The following TNRC6C variants were observed in gnomAD, a reference collection of about 807,000 sequenced individuals.
TNRC6C encodes trinucleotide repeat containing adaptor 6C.
TNRC6C carries 20 observed loss-of-function variants against 153.7 expected under a neutral mutation model. That is an observed-to-expected ratio of 0.13 (90% CI 0.09 to 0.19). The LOEUF is 0.19. Ranked by LOEUF, TNRC6C falls within the 10% of genes least tolerant of loss-of-function variation. The pLI is 1.00. For synonymous variants in TNRC6C, 811 were observed against 841.4 expected, an observed-to-expected ratio of 0.96 and a Z score of 0.63; for missense variants, 1,987 against 2,172.0, an observed-to-expected ratio of 0.91 and a Z score of 1.69.
chr17:78,084,219 G>A (rs181949234), intron 11 of TNRC6C, among the ~76,000 whole-genome samples: 139 of 151,808 alleles, frequency 9.2e-4, no homozygotes, highest in African/African-American at 3.2e-3. Context: ...GGAAGGCGGA[G>A]GTTGCAGTGA....
chr17:78,090,493 G>A (rs1399096439), intron 13 of TNRC6C, among the ~76,000 whole-genome samples: 1 of 152,242 alleles, frequency 6.6e-6, no homozygotes, highest in Non-Finnish European at 1.5e-5. Context: ...GTATGTGTAT[G>A]TGGTAAGGGG....
chr17:78,046,885 G>A (rs1356876745), intron 2 of TNRC6C, among the ~76,000 whole-genome samples: 1 of 152,158 alleles, frequency 6.6e-6, no homozygotes, highest in Admixed American at 6.5e-5. Flanking sequence ...GTCAAATTGG[G>A]GGCTGAGCAA....
chr17:77,979,365 C>T (rs964574674), intron 1 of TNRC6C, among the ~76,000 whole-genome samples: 5 of 151,974 alleles, frequency 3.3e-5, no homozygotes, highest in African/African-American at 1.2e-4. Flanking sequence ...TCACATGAAT[C>T]CTGAAAGTAT....
rs770284980 is a variant in TNRC6C at position 78,098,479 on chromosome 17, C to T, written c.4443C>T (p.Pro1481=). 5 of 1,613,986 alleles carry T rather than the reference C, an allele frequency of 3.1e-6. No individual in the cohort carries two copies. In the East Asian group the frequency reaches 1.1e-4, roughly 36 times the overall value. The change falls in exon 17 of 20, where the codon CCC becomes CCT. Residue 1481 remains proline (P), a synonymous_variant. Transcript: ENST00000301624. The stretch of plus-strand genomic sequence containing the variant: ...GGCCACCTCCAGGGTTAACCAATCC[C>T]AAGCCCTCCTCCACCTGGGGTGCCA...
Position 78,104,581 on chromosome 17 carries a change from C to T in TNRC6C, c.4809C>T (p.Ser1603=). ...AAGGCCAGGCGCTGCCACCCACTTC[C>T]AGCTGGCAGTCCAGCAGCGCGTCCA... Residue 1603 remains serine, a synonymous_variant, in exon 20 of 20, where the codon TCC becomes TCT. Transcript: ENST00000301624. This position sits in a 1 kb window ranked among gnomAD's most constrained non-coding sequence, Gnocchi z 6.2. 2 of 1,553,862 alleles carry T rather than the reference C, an allele frequency of 1.3e-6. No individual in the cohort carries two copies. The highest frequency in any genetic ancestry group is 2.4e-5 in the South Asian group (2 of 84,486).
chr17:77,957,883 G>C (rs779150666), upstream of TNRC6C, among the ~76,000 whole-genome samples: 1 of 152,246 alleles, frequency 6.6e-6, no homozygotes, highest in African/African-American at 2.4e-5. Context: ...GTAGGCGCCG[G>C]AGCGCCCGGG....
At chr17:78,045,588 C>T (rs1449359694) in intron 2 of TNRC6C, among the ~76,000 whole-genome samples, 3 of 152,202 alleles carry the variant, frequency 2.0e-5, no homozygotes, top group African/African-American at 7.2e-5. Flanking sequence ...TCAGCTAGAA[C>T]TCAGATTGTA....
intron 2 of TNRC6C, among the ~76,000 whole-genome samples, chr17:78,038,407 C>T (rs113275437): frequency 6.6e-6 from 1 of 152,116 alleles, no homozygotes; most frequent in South Asian, 2.1e-4. Flanking sequence ...GGTGCGGTGG[C>T]TCACGCATGT....
chr17:78,011,213 A>G (rs1388626904), intron 1 of TNRC6C, among the ~76,000 whole-genome samples: 1 of 152,216 alleles, frequency 6.6e-6, no homozygotes, highest in Non-Finnish European at 1.5e-5. Context: ...TGTGGACATT[A>G]TATTTAAAGA....
rs368822533 is a variant in TNRC6C, at chr17:78,029,939, GTGA to G, written c.-545-1575_-545-1573del. ...AACATGCATGGAGGTTTCATCTCCT[GTGA>G]TAACAATGACTTCTGGATATCTCCT... is the stretch of plus-strand genomic sequence containing the variant. On this transcript the variant is annotated intron_variant, in intron 1 of 19. Transcript: ENST00000301624. Among the ~76,000 whole-genome samples the G allele has an allele frequency of 8.6e-3, 1,313 of 152,098 alleles. 13 individuals are homozygous for G. Among genetic ancestry groups the G allele is most frequent in the South Asian group, 0.037 (178 of 4,822 alleles).
intron 1 of TNRC6C, among the ~76,000 whole-genome samples, chr17:77,987,747 T>A (rs1011837501): frequency 1.3e-5 from 2 of 152,144 alleles, no homozygotes; most frequent in African/African-American, 4.8e-5. Context: ...GAGCACCATC[T>A]CAGCTCACCG....
At chr17:78,100,774 T>G (rs956365052) in intron 17 of TNRC6C, among the ~76,000 whole-genome samples, 2 of 116,998 alleles carry the variant, frequency 1.7e-5, no homozygotes, top group African/African-American at 7.1e-5. Context: ...GATTTCCTTT[T>G]TTTTTTTTTT....
At chr17:78,089,437 G>C (rs1291101073) in intron 13 of TNRC6C, among the ~76,000 whole-genome samples, 1 of 152,240 alleles carries the variant, frequency 6.6e-6, no homozygotes, top group Non-Finnish European at 1.5e-5. Flanking sequence ...AACTTTGGTT[G>C]TAAAATTGCC....
intron 13 of TNRC6C, among the ~76,000 whole-genome samples, chr17:78,090,106 A>T (rs953085148): frequency 2.6e-5 from 4 of 152,188 alleles, no homozygotes; most frequent in African/African-American, 9.7e-5. Flanking sequence ...TGGGCTTGCA[A>T]AGGCGTTTTG....
chr17:78,077,246 T>A, exon 9 of TNRC6C: 1 of 1,601,374 alleles, frequency 6.2e-7, no homozygotes, highest in Non-Finnish European at 8.5e-7. Context: ...AGCCTGAAGC[T>A]CCCCCTTTCA....
chr17:78,098,665 G>A, intron 17 of TNRC6C, 128 bp downstream of exon 20: 1 of 1,008,050 alleles, frequency 9.9e-7, no homozygotes, highest in Admixed American at 2.9e-5. Context: ...GGCTTAGGAG[G>A]GCACCAGGGC....
intron 1 of TNRC6C, among the ~76,000 whole-genome samples, chr17:78,015,162 AT>A (rs1204082249): frequency 6.6e-6 from 1 of 151,886 alleles, no homozygotes; most frequent in African/African-American, 2.4e-5. Flanking sequence ...ATTTTTGACA[AT>A]TTTTTTCATT....
At chr17:77,987,576 G>A (rs1223886957) in intron 1 of TNRC6C, among the ~76,000 whole-genome samples, 1 of 152,150 alleles carries the variant, frequency 6.6e-6, no homozygotes, top group African/African-American at 2.4e-5. Context: ...AGTGTCAAAT[G>A]GAAACACCTA....
At chr17:78,069,868 G>C (rs1452225729) in intron 5 of TNRC6C, among the ~76,000 whole-genome samples, 1 of 152,166 alleles carries the variant, frequency 6.6e-6, no homozygotes, top group Non-Finnish European at 1.5e-5. Flanking sequence ...ATGCATGCAT[G>C]CACACGTAGT....
Sources: allele counts gnomAD v4.1 joint callset (sites outside exome capture counted in the v4.1 genomes callset), GRCh38; gene constraint gnomAD v4.1.1; non-coding constraint Gnocchi (gnomAD v3.1); transcripts MANE v1.5; gene names NCBI Gene and HGNC (gene_info 2026-07-23, HGNC 2026-07-21).